The following SLC22A16 variants were observed in gnomAD, a reference collection of about 807,000 sequenced individuals.
SLC22A16 encodes WUGSC:RG331P03.1.
SLC22A16 carries 53 observed loss-of-function variants against 52.9 expected under a neutral mutation model. That is an observed-to-expected ratio of 1.00 (90% confidence interval 0.80 to 1.26). The LOEUF (loss-of-function observed/expected upper bound fraction) is 1.26. Ranked by LOEUF, SLC22A16 falls within the 50% of genes most tolerant of loss-of-function variation. The pLI, the probability that SLC22A16 is intolerant of heterozygous loss-of-function variation, is 0.00. For missense variants in SLC22A16, 726 were observed against 704.0 expected (o/e 1.03, Z -0.35); for synonymous variants, 291 against 268.8 (o/e 1.08, Z -0.81).
At chr6:110,460,916 G>A (rs1248299075) in intron 1 of SLC22A16, among the ~76,000 whole-genome samples, 1 of 152,204 alleles carries the variant, frequency 6.6e-6, no homozygotes, top group African/African-American at 2.4e-5. Context: ...GGAAATGCAG[G>A]CACAGGACCA....
chr6:110,474,279 A>G (rs1048632336), intron 1 of SLC22A16, among the ~76,000 whole-genome samples: 1 of 152,104 alleles, frequency 6.6e-6, no homozygotes, highest in African/African-American at 2.4e-5. Context: ...TGTCTTCCAC[A>G]AAACCAGTCC....
intron 5 of SLC22A16, among the ~76,000 whole-genome samples, chr6:110,438,255 C>A (rs896752837): frequency 6.6e-6 from 1 of 152,218 alleles, no homozygotes; most frequent in Non-Finnish European, 1.5e-5. Context: ...ACTTTCCTCA[C>A]ACAAGATTAT....
chr6:110,472,770 T>C (rs1422822169), intron 1 of SLC22A16, among the ~76,000 whole-genome samples: 1 of 152,186 alleles, frequency 6.6e-6, no homozygotes, highest in African/African-American at 2.4e-5. Flanking sequence ...AACAGGCTTA[T>C]AGATATGACA....
chr6:110,471,382 C>T (rs929419751), intron 1 of SLC22A16, among the ~76,000 whole-genome samples: 2 of 152,208 alleles, frequency 1.3e-5, no homozygotes, highest in African/African-American at 4.8e-5. Flanking sequence ...TAACGATGAA[C>T]TTCTCAGAAG....
chr6:110,457,357 C>G (rs1361028930), intron 1 of SLC22A16, among the ~76,000 whole-genome samples: 3 of 152,036 alleles, frequency 2.0e-5, no homozygotes, highest in African/African-American at 7.2e-5. Context: ...CCTGGAATAT[C>G]TTACAATACC....
At chr6:110,454,884 TTATA>T in intron 2 of SLC22A16, among the ~76,000 whole-genome samples, 1 of 83,718 alleles carries the variant, frequency 1.2e-5, no homozygotes, top group African/African-American at 5.1e-5. Flanking sequence ...AATATATATA[TTATA>T]ATATATATAA....
intron 6 of SLC22A16, among the ~76,000 whole-genome samples, chr6:110,432,691 C>T (rs867744188): frequency 1.3e-5 from 2 of 152,210 alleles, no homozygotes; most frequent in African/African-American, 4.8e-5. Context: ...TGCAACTTCA[C>T]TCTCTATTGC....
chr6:110,443,004 T>C (rs1482365053), intron 3 of SLC22A16, among the ~76,000 whole-genome samples: 5 of 152,252 alleles, frequency 3.3e-5, no homozygotes, highest in Admixed American at 3.3e-4. Flanking sequence ...CTTGAGAGAT[T>C]ATTTATGATA....
rs540021025 is a variant in SLC22A16 at position 110,457,705 on chromosome 6, G to A, written c.54-688C>T. Among the ~76,000 whole-genome samples the A allele has an allele frequency of 2.0e-5, 3 of 152,306 alleles. No homozygotes were observed. The South Asian group carries it at 6.2e-4, about 32-fold the overall frequency. On this transcript the variant is annotated intron_variant, in intron 1 of 7. Coordinates refer to ENST00000368919, the MANE Select transcript of SLC22A16 (RefSeq NM_033125.4). Reference sequence around the variant, plus strand: ...GAGACAGGAGCTGAAGGGACATGGTGAGAAGTGACCAGAAGACAAGAGTGT... The same window carrying A: ...GAGACAGGAGCTGAAGGGACATGGTAAGAAGTGACCAGAAGACAAGAGTGT...
At chr6:110,443,880 T>C (rs1028415959) in intron 3 of SLC22A16, among the ~76,000 whole-genome samples, 1 of 152,200 alleles carries the variant, frequency 6.6e-6, no homozygotes, top group African/African-American at 2.4e-5. Flanking sequence ...ACAACTATCA[T>C]ATGATTCCGC....
intron 1 of SLC22A16, among the ~76,000 whole-genome samples, chr6:110,473,933 A>G (rs1548408): frequency 0.12 from 17,701 of 151,816 alleles, 1,292 homozygotes; most frequent in East Asian, 0.27. Context: ...CCAAAGCCCC[A>G]GGCCATAGAC....
intron 7 of SLC22A16, among the ~76,000 whole-genome samples, chr6:110,429,037 A>G (rs1774390701): frequency 6.6e-6 from 1 of 152,098 alleles, no homozygotes; most frequent in South Asian, 2.1e-4. Flanking sequence ...AAATATATTT[A>G]TTTGGTTTTA....
chr6:110,439,295 G>T (rs577767597), intron 4 of SLC22A16, among the ~76,000 whole-genome samples: 1 of 152,122 alleles, frequency 6.6e-6, no homozygotes, highest in Non-Finnish European at 1.5e-5. Flanking sequence ...CCAGTTTTTT[G>T]ACAATTTATG....
chr6:110,461,960 C>T (rs1775901305), intron 1 of SLC22A16, among the ~76,000 whole-genome samples: 1 of 152,198 alleles, frequency 6.6e-6, no homozygotes, highest in African/African-American at 2.4e-5. Context: ...GTTTATTGGA[C>T]TTACAGTTCC....
At chr6:110,426,806 C>A (rs1383435391) in intron 7 of SLC22A16, among the ~76,000 whole-genome samples, 2 of 151,744 alleles carry the variant, frequency 1.3e-5, no homozygotes, top group East Asian at 3.9e-4. Flanking sequence ...CAAAATTAGC[C>A]GGGCGAGGTG....
intron 1 of SLC22A16, among the ~76,000 whole-genome samples, chr6:110,471,060 C>T (rs1476824621): frequency 6.6e-6 from 1 of 152,178 alleles, no homozygotes; most frequent in African/African-American, 2.4e-5. Context: ...ATCTACCCAG[C>T]GAAATGCATA....
At chr6:110,447,141 T>A in intron 2 of SLC22A16, 151 bp from the exon 3 acceptor site, 1 of 662,380 alleles carries the variant, frequency 1.5e-6, no homozygotes, top group Non-Finnish European at 2.5e-6. Flanking sequence ...GAGCAAACCA[T>A]AAGTTCCATG....
chr6:110,476,303 C>T, intron 1 of SLC22A16: 3 of 1,346,138 alleles, frequency 2.2e-6, no homozygotes, highest in Non-Finnish European at 1.9e-6. Context: ...GCGAGCCCAG[C>T]GCCTCTGCTC....
At chr6:110,431,442 A>AT (rs1774501008) in intron 6 of SLC22A16, among the ~76,000 whole-genome samples, 172 bp from the exon 7 acceptor site, 1 of 152,178 alleles carries the variant, frequency 6.6e-6, no homozygotes, top group Non-Finnish European at 1.5e-5. Flanking sequence ...ATAATAGCAC[A>AT]TTTTTACTCG....
Sources: allele counts gnomAD v4.1 joint callset (sites outside exome capture counted in the v4.1 genomes callset), GRCh38; gene constraint gnomAD v4.1.1; transcripts MANE v1.5; gene names NCBI Gene and HGNC (gene_info 2026-07-23, HGNC 2026-07-21).